The following KANSL1L variants were observed in gnomAD, a reference collection of about 807,000 sequenced individuals.
KANSL1L encodes the protein KAT8 regulatory NSL complex subunit 1 like.
Under a neutral mutation model 108.6 loss-of-function variants are expected in KANSL1L, and 25 were observed. That is an observed-to-expected ratio of 0.23 (90% CI 0.17 to 0.32). The LOEUF is 0.32. Among genes scored for constraint, KANSL1L ranks in the 10% least tolerant of loss-of-function variants. KANSL1L has a pLI of 1.00. For synonymous variants in KANSL1L, 405 were observed against 395.1 expected, an observed-to-expected ratio of 1.03 and a Z score of -0.30; for missense variants, 1,137 against 1,125.7, an observed-to-expected ratio of 1.01 and a Z score of -0.14.
At chr2:210,029,628 T>C (rs565845777) in intron 10 of KANSL1L, among the ~76,000 whole-genome samples, 175 bp downstream of exon 10, 2 of 151,564 alleles carry the variant, frequency 1.3e-5, no homozygotes, top group Non-Finnish European at 3.0e-5. Flanking sequence ...TTTAGCTTCA[T>C]AGTTAAAAAT....
At chr2:210,029,965 TATCA>T in intron 9 of KANSL1L, 47 bp from the exon 10 acceptor site, 1 of 892,284 alleles carries the variant, frequency 1.1e-6, no homozygotes, top group South Asian at 1.7e-5. Flanking sequence ...ACAAGTCTAA[TATCA>T]TTAGAATTAC....
chr2:210,034,927 C>T (rs1331763382), intron 8 of KANSL1L, among the ~76,000 whole-genome samples: 1 of 152,162 alleles, frequency 6.6e-6, no homozygotes, highest in African/African-American at 2.4e-5. Context: ...CAAATGTTAA[C>T]ATCGTATCAC....
chr2:210,144,596 T>G (rs1237095011), intron 2 of KANSL1L, among the ~76,000 whole-genome samples: 2 of 152,176 alleles, frequency 1.3e-5, no homozygotes, highest in Non-Finnish European at 2.9e-5. Context: ...TCTGATGCTC[T>G]CTATTGCCAT....
At chr2:210,165,893 G>C (rs1350573860) in intron 1 of KANSL1L, among the ~76,000 whole-genome samples, 1 of 152,190 alleles carries the variant, frequency 6.6e-6, no homozygotes, top group East Asian at 1.9e-4. Context: ...GATATTTTGA[G>C]AGCGAGCAAG....
chr2:210,099,445 C>G (rs1046213148), intron 4 of KANSL1L, among the ~76,000 whole-genome samples: 6 of 152,116 alleles, frequency 3.9e-5, no homozygotes, highest in Admixed American at 1.3e-4. Flanking sequence ...TTCAAAAAAT[C>G]TTTCATGAGA....
chr2:210,106,112 G>A (rs747176939), intron 3 of KANSL1L, among the ~76,000 whole-genome samples: 1 of 152,184 alleles, frequency 6.6e-6, no homozygotes, highest in Non-Finnish European at 1.5e-5. Context: ...TTCTGAAGGT[G>A]AGAAGAATCT....
In KANSL1L at chr2:210,079,308, A is replaced by G. The variant is rs935795240; in HGVS notation, c.1551-3552T>C. ...GTTGTAGAATAATTATCAAAATATA[A>G]TTATCGGCTGGGCGCAGTGGCTCAC... On this transcript the variant is annotated intron_variant, in intron 5 of 14. Coordinates refer to ENST00000281772, the MANE Select transcript of KANSL1L (RefSeq NM_152519.4). Among the ~76,000 whole-genome samples, 4 of 152,034 alleles carry G rather than the reference A, an allele frequency of 2.6e-5. No homozygotes were observed. In the South Asian group the frequency reaches 8.3e-4, roughly 31 times the overall value.
intron 6 of KANSL1L, among the ~76,000 whole-genome samples, chr2:210,048,813 C>G (rs1475338233): frequency 3.3e-5 from 5 of 151,908 alleles, no homozygotes; most frequent in Non-Finnish European, 5.9e-5. Context: ...AGAGTTTATT[C>G]CCCTAGAAAG....
intron 9 of KANSL1L, 124 bp downstream of exon 9, chr2:210,031,297 C>G (rs1559499877): frequency 1.1e-5 from 7 of 651,418 alleles, no homozygotes; most frequent in Non-Finnish European, 1.0e-5. Flanking sequence ...TTTGTAGACT[C>G]ATAGATGTTT....
At chr2:210,058,428 G>T (rs1018257246) in intron 6 of KANSL1L, among the ~76,000 whole-genome samples, 14 of 152,062 alleles carry the variant, frequency 9.2e-5, no homozygotes, top group Admixed American at 7.9e-4. Context: ...CTGTGATCTC[G>T]CCCTGCCTCC....
chr2:210,033,555 A>G (rs1014533762), intron 8 of KANSL1L, among the ~76,000 whole-genome samples: 9 of 152,074 alleles, frequency 5.9e-5, no homozygotes, highest in Admixed American at 2.0e-4. Flanking sequence ...TTTGAGACGG[A>G]GTCTCGCTCT....
In KANSL1L at chr2:210,029,913, T is replaced by C; in HGVS notation, c.2161A>G (p.Arg721Gly). 6.5e-7 allele frequency: 1 copy of C among 1,545,120 alleles called. No individual in the cohort carries two copies. Among genetic ancestry groups the C allele is most frequent in the African/African-American group, 1.4e-5 (1 of 73,598 alleles). Residue 721 changes from arginine (R) to glycine (G), a missense_variant, in exon 10 of 15, where the codon AGA becomes GGA. Transcript: ENST00000281772. ...AAATCAGATTCTTCAAGTTTAGTTC[T>C]TTCTCCTGCCATGGAAAGAACCATT... Reference protein sequence around the residue: ...RHLSETALGERTKLEESDFQH... With the variant: ...RHLSETALGEGTKLEESDFQH...
rs542027625 is a variant in KANSL1L, at chr2:210,123,047, T to C, written c.1230+5984A>G. ...TATCCAAAGGTCAGGGAATAAAACATGCTGGCAAAGTTGTAGAGAAAAAGG... is the reference window on the plus strand; with the variant it reads ...TATCCAAAGGTCAGGGAATAAAACACGCTGGCAAAGTTGTAGAGAAAAAGG... On this transcript the variant is annotated intron_variant, in intron 3 of 14. Coordinates refer to ENST00000281772, the MANE Select transcript of KANSL1L (RefSeq NM_152519.4). 6.6e-5 allele frequency among the ~76,000 whole-genome samples: 10 copies of C among 152,196 alleles called. No individual in the cohort carries two copies. In the South Asian group the frequency reaches 1.9e-3, roughly 28 times the overall value.
intron 4 of KANSL1L, among the ~76,000 whole-genome samples, chr2:210,103,282 G>C (rs1157424425): frequency 6.8e-6 from 1 of 146,778 alleles, no homozygotes; most frequent in Non-Finnish European, 1.5e-5. Context: ...AGAACACTTG[G>C]ACACAGGAAG....
At chr2:210,090,179 G>A (rs1021740345) in intron 5 of KANSL1L, among the ~76,000 whole-genome samples, 1 of 151,968 alleles carries the variant, frequency 6.6e-6, no homozygotes, top group African/African-American at 2.4e-5. Flanking sequence ...TTATGTGCCA[G>A]GTTTTGTTCT....
intron 5 of KANSL1L, among the ~76,000 whole-genome samples, chr2:210,092,851 C>G (rs1255921488): frequency 6.6e-6 from 1 of 152,162 alleles, no homozygotes; most frequent in Non-Finnish European, 1.5e-5. Context: ...TTGGATCACT[C>G]ATTGATGCAA....
chr2:210,040,250 T>G (rs904538485), intron 8 of KANSL1L, 170 bp downstream of exon 8: 11 of 527,352 alleles, frequency 2.1e-5, no homozygotes, highest in Non-Finnish European at 3.4e-5. Context: ...CATTTCATGT[T>G]AAGATTGTTC....
chr2:210,097,625 T>A (rs1041162618), intron 5 of KANSL1L, among the ~76,000 whole-genome samples: 4 of 152,112 alleles, frequency 2.6e-5, no homozygotes, highest in East Asian at 3.8e-4. Context: ...GTAAAAAAAA[T>A]TTACCTTATA....
intron 5 of KANSL1L, among the ~76,000 whole-genome samples, chr2:210,079,173 G>A (rs2094563293): frequency 6.6e-6 from 1 of 152,058 alleles, no homozygotes; most frequent in Non-Finnish European, 1.5e-5. Flanking sequence ...AGAAGGTCCA[G>A]AAGAAAAAGA....
Sources: allele counts gnomAD v4.1 joint callset (sites outside exome capture counted in the v4.1 genomes callset), GRCh38; gene constraint gnomAD v4.1.1; transcripts MANE v1.5; gene names NCBI Gene and HGNC (gene_info 2026-07-23, HGNC 2026-07-21).